Variants in NFE2L2 observed in about 807,000 individuals in gnomAD.
NFE2L2 encodes NFE2 like bZIP transcription factor 2.
NFE2L2 carries 20 observed loss-of-function variants against 49.6 expected under a neutral mutation model. The observed-to-expected ratio is 0.40, with a 90% confidence interval of 0.28 to 0.59. The LOEUF is 0.59. Among genes scored for constraint, NFE2L2 ranks in the 20% least tolerant of loss-of-function variants. The probability of loss-of-function intolerance (pLI) is 0.40; values close to 1 mark genes in which losing one functional copy is unlikely to be tolerated. For missense variants in NFE2L2, 578 were observed against 714.2 expected, an observed-to-expected ratio of 0.81 and a Z score of 2.17; for synonymous variants, 244 against 256.5, an observed-to-expected ratio of 0.95 and a Z score of 0.47.
At chr2:177,259,968 A>T (rs1489654640) in intron 1 of NFE2L2, among the ~76,000 whole-genome samples, 2 of 152,122 alleles carry the variant, frequency 1.3e-5, no homozygotes, top group East Asian at 3.8e-4. Context: ...CAAGTTTCTG[A>T]ATGTTAATAT....
chr2:177,259,139 T>C lies in NFE2L2; in HGVS notation c.45+5393A>G, dbSNP rs147860035. On this transcript the variant is annotated intron_variant, in intron 1 of 4. Coordinates refer to ENST00000397062, the MANE Select transcript of NFE2L2 (RefSeq NM_006164.5). ...CAACATAGTGAAACTCCATCTCTAC[T>C]AAAAATACAAAAATTAACCGGGCGT... 9.8e-3 allele frequency among the ~76,000 whole-genome samples: 1,486 copies of C among 152,190 alleles called. 26 individuals are homozygous for C. Among genetic ancestry groups the C allele is most frequent in the African/African-American group, 0.034 (1,409 of 41,516 alleles).
chr2:177,241,539 A>G (rs1012423321), intron 1 of NFE2L2, among the ~76,000 whole-genome samples: 4 of 152,196 alleles, frequency 2.6e-5, no homozygotes, highest in South Asian at 2.1e-4. Context: ...AAAATATTTG[A>G]GGGCATGCTT....
intron 1 of NFE2L2, among the ~76,000 whole-genome samples, chr2:177,246,484 C>A (rs115141505): frequency 0.013 from 1,982 of 151,886 alleles, 44 homozygotes; most frequent in African/African-American, 0.045. Context: ...TTTTTGTTTT[C>A]TTAGGAAGCC....
chr2:177,240,172 GAAC>G (rs2105467722), intron 1 of NFE2L2, among the ~76,000 whole-genome samples: 1 of 152,256 alleles, frequency 6.6e-6, no homozygotes, highest in Admixed American at 6.5e-5. Context: ...TAACAAACAA[GAAC>G]ATGACACTGG....
At chr2:177,248,877 A>G (rs1355218608) in intron 1 of NFE2L2, among the ~76,000 whole-genome samples, 1 of 152,130 alleles carries the variant, frequency 6.6e-6, no homozygotes, top group African/African-American at 2.4e-5. Context: ...AGCCTCCAGC[A>G]TTACATTATC....
chr2:177,256,025 T>C (rs574271001), intron 1 of NFE2L2: 1 of 154,852 alleles, frequency 6.5e-6, no homozygotes, highest in Admixed American at 6.5e-5. Flanking sequence ...CTACCAGGAA[T>C]TTTAATGGTT....
intron 1 of NFE2L2, among the ~76,000 whole-genome samples, chr2:177,258,859 T>C (rs1690623843): frequency 6.6e-6 from 1 of 152,240 alleles, no homozygotes; most frequent in Non-Finnish European, 1.5e-5. Context: ...AGCTTGTCAG[T>C]GTACAGCTGA....
At chr2:177,249,371 GGGA>G (rs1174983104) in intron 1 of NFE2L2, among the ~76,000 whole-genome samples, 1 of 152,144 alleles carries the variant, frequency 6.6e-6, no homozygotes, top group Non-Finnish European at 1.5e-5. Flanking sequence ...GTCCCCATCT[GGGA>G]GGAGGTCAGT....
chr2:177,264,402 A>C, intron 1 of NFE2L2, 130 bp downstream of exon 1: 19 of 891,910 alleles, frequency 2.1e-5, no homozygotes, highest in East Asian at 3.6e-5. Context: ...GGCTCTACCC[A>C]GCGCCGCGGT....
At chr2:177,243,935 G>T (rs1451906323) in intron 1 of NFE2L2, among the ~76,000 whole-genome samples, 1 of 151,776 alleles carries the variant, frequency 6.6e-6, no homozygotes, top group Non-Finnish European at 1.5e-5. Context: ...TTGTGTGCTG[G>T]TGGTATGAAT....
intron 1 of NFE2L2, among the ~76,000 whole-genome samples, chr2:177,247,580 G>A (rs999885755): frequency 6.6e-6 from 1 of 150,432 alleles, no homozygotes; most frequent in Non-Finnish European, 1.5e-5. Context: ...AGAATCGCTT[G>A]AACCCAGGAG....
chr2:177,263,875 C>T (rs1423781861), intron 1 of NFE2L2: 1 of 985,430 alleles, frequency 1.0e-6, no homozygotes, highest in Non-Finnish European at 1.2e-6. Flanking sequence ...CCTCCCTCGT[C>T]CCGGGGCTGG....
chr2:177,249,546 G>C (rs924120745), intron 1 of NFE2L2, among the ~76,000 whole-genome samples: 1 of 152,110 alleles, frequency 6.6e-6, no homozygotes, highest in African/African-American at 2.4e-5. Flanking sequence ...AGCTAAAGCA[G>C]CACTAATAGA....
rs1256466867 is a variant in NFE2L2, at chr2:177,251,348, ACT to A, written c.45+13182_45+13183del. Among the ~76,000 whole-genome samples, 4 of 151,896 alleles carry A rather than the reference ACT, an allele frequency of 2.6e-5. No homozygotes were observed. The South Asian group carries it at 8.3e-4, about 32-fold the overall frequency. ...ACTGATGCATTCCCACTTTCTACAA[ACT>A]CTCTCTGTCCCTAGACCTTGCCTAT... On this transcript the variant is annotated intron_variant, in intron 1 of 4. Coordinates refer to ENST00000397062, the MANE Select transcript of NFE2L2 (RefSeq NM_006164.5).
At chr2:177,246,486 T>C (rs189142028) in intron 1 of NFE2L2, among the ~76,000 whole-genome samples, 1 of 152,294 alleles carries the variant, frequency 6.6e-6, no homozygotes, top group Admixed American at 6.5e-5. Context: ...TTTGTTTTCT[T>C]AGGAAGCCAT....
chr2:177,247,871 A>G (rs982951807), intron 1 of NFE2L2, among the ~76,000 whole-genome samples: 2 of 152,124 alleles, frequency 1.3e-5, no homozygotes, highest in African/African-American at 2.4e-5. Context: ...GTACCCGCAG[A>G]TAAGACCGAG....
chr2:177,264,385 G>T, intron 1 of NFE2L2, 147 bp downstream of exon 1: 1 of 742,178 alleles, frequency 1.3e-6, no homozygotes, highest in Non-Finnish European at 2.0e-6. Flanking sequence ...CCCGGCGCAA[G>T]CGCGGCGGCT....
intron 1 of NFE2L2, among the ~76,000 whole-genome samples, chr2:177,247,505 C>T (rs1427846502): frequency 4.6e-5 from 7 of 151,658 alleles, no homozygotes; most frequent in Non-Finnish European, 7.4e-5. Flanking sequence ...ACTAAAAATA[C>T]AAAAAATTAG....
rs1277621991 is a variant in NFE2L2, at chr2:177,264,677, CGGT to C, written c.-104_-102del. The stretch of plus-strand genomic sequence containing the variant: ...GCGGCTCTGGTGGCGGCGGCGGCGG[CGGT>C]GGCGGCTGCGTCGGCGGCTCCTCCG... On this transcript the variant is annotated 5_prime_UTR_variant, in exon 1 of 5. Transcript: ENST00000397062. The C allele has an allele frequency of 3.2e-5, 26 of 823,850 alleles. No individual in the cohort carries two copies. Among genetic ancestry groups the C allele is most frequent in the Non-Finnish European group, 4.0e-5 (24 of 606,406 alleles). 51.0% of individuals were successfully genotyped at this position (823,850 alleles called of 1,614,324 possible).
Sources: allele counts gnomAD v4.1 joint callset (sites outside exome capture counted in the v4.1 genomes callset), GRCh38; gene constraint gnomAD v4.1.1; transcripts MANE v1.5; gene names NCBI Gene and HGNC (gene_info 2026-07-23, HGNC 2026-07-21).